Variants in ITGA9 observed in about 807,000 individuals in gnomAD.
ITGA9 encodes the protein integrin subunit alpha 9, also known as integrin alpha-9.
In ITGA9, 56 loss-of-function variants were observed where a neutral mutation model predicts 127.8. The observed-to-expected ratio is 0.44, with a 90% CI of 0.35 to 0.55. The LOEUF (loss-of-function observed/expected upper bound fraction) is 0.55. ITGA9 is among the 20% of genes least tolerant of loss of function. The probability of loss-of-function intolerance (pLI) is 0.00; values close to 1 mark genes in which losing one functional copy is unlikely to be tolerated. For missense variants in ITGA9, 1,196 were observed against 1,347.1 expected (o/e 0.89, Z 1.76); for synonymous variants, 508 against 514.5 (o/e 0.99, Z 0.17).
chr3:37,736,638 G>A (rs1390153682), intron 19 of ITGA9, among the ~76,000 whole-genome samples: 1 of 152,206 alleles, frequency 6.6e-6, no homozygotes, highest in Non-Finnish European at 1.5e-5. Context: ...AACTTAGAAA[G>A]TCCCGGTTAA....
intron 16 of ITGA9, among the ~76,000 whole-genome samples, chr3:37,646,077 CT>C (rs1324403173): frequency 6.6e-6 from 1 of 152,092 alleles, no homozygotes; most frequent in Non-Finnish European, 1.5e-5. Flanking sequence ...TCATTGAAAT[CT>C]TTTTTTTCCT....
chr3:37,618,398 A>C (rs886656885), intron 15 of ITGA9, among the ~76,000 whole-genome samples: 3 of 152,076 alleles, frequency 2.0e-5, no homozygotes, highest in African/African-American at 7.2e-5. Flanking sequence ...CAGTTAGGCT[A>C]CTCGGGGGCC....
intron 15 of ITGA9, among the ~76,000 whole-genome samples, chr3:37,598,387 A>G (rs563029036): frequency 7.2e-4 from 110 of 152,226 alleles, no homozygotes; most frequent in African/African-American, 2.6e-3. Flanking sequence ...GGGAGCTCTA[A>G]TTGTATTTTG....
chr3:37,794,043 C>T (rs1473100461), intron 26 of ITGA9, among the ~76,000 whole-genome samples: 2 of 152,156 alleles, frequency 1.3e-5, no homozygotes, highest in Non-Finnish European at 2.9e-5. Context: ...GTGCTGTGCT[C>T]AGTGTGCGTG....
In ITGA9 at chr3:37,685,045, C is replaced by T. The variant is rs1203292143; in HGVS notation, c.2067+1030C>T. ...ACTGCTGATAGCTGTTCAGCTGGGA[C>T]TGCTTGCAGCTTTTTAATATTTACA... On this transcript the variant is annotated intron_variant, in intron 18 of 27. Transcript: ENST00000264741. Among the ~76,000 whole-genome samples, 3 of 152,224 alleles carry T rather than the reference C, an allele frequency of 2.0e-5. No individual in the cohort carries two copies. The East Asian group carries it at 5.8e-4, about 29-fold the overall frequency.
chr3:37,548,535 CT>C (rs1299266328), intron 15 of ITGA9, among the ~76,000 whole-genome samples: 2 of 152,064 alleles, frequency 1.3e-5, no homozygotes, highest in Non-Finnish European at 2.9e-5. Context: ...CTTTCCTGTT[CT>C]TTTTCAGTAG....
At chr3:37,726,191 A>C (rs1328207199) in intron 18 of ITGA9, among the ~76,000 whole-genome samples, 1 of 152,250 alleles carries the variant, frequency 6.6e-6, no homozygotes, top group Non-Finnish European at 1.5e-5. Context: ...TAAATTAACT[A>C]AGTGAGTTAA....
intron 15 of ITGA9, among the ~76,000 whole-genome samples, chr3:37,612,637 T>A (rs1700034131): frequency 6.6e-6 from 1 of 152,236 alleles, no homozygotes; most frequent in Admixed American, 6.5e-5. Flanking sequence ...ATGCCCTGAA[T>A]TCTCTTCGAG....
chr3:37,466,991 C>G (rs1411023970), intron 1 of ITGA9, among the ~76,000 whole-genome samples: 1 of 152,140 alleles, frequency 6.6e-6, no homozygotes, highest in Non-Finnish European at 1.5e-5. Flanking sequence ...GAACTCTGGG[C>G]CATGGTAATC....
At chr3:37,595,086 GTTGTTTTTGTTT>G (rs796248237) in intron 15 of ITGA9, among the ~76,000 whole-genome samples, 2 of 151,930 alleles carry the variant, frequency 1.3e-5, no homozygotes, top group Admixed American at 6.6e-5. Context: ...TCCTTGTTTT[GTTGTTTTTGTTT>G]TTGTTTTTGT....
intron 8 of ITGA9, among the ~76,000 whole-genome samples, chr3:37,512,060 CTTTCT>C (rs1698922195): frequency 3.9e-5 from 2 of 51,626 alleles, no homozygotes; most frequent in African/African-American, 1.3e-4. Context: ...TTCTTTCTTT[CTTTCT>C]TTCTTTCTTT....
In ITGA9 at chr3:37,797,403, C is replaced by T. The variant is rs180855064; in HGVS notation, c.2890-6420C>T. Among the ~76,000 whole-genome samples the T allele has an allele frequency of 1.1e-3, 164 of 152,154 alleles. 1 individual carries two copies. The highest frequency in any genetic ancestry group is 3.8e-3 in the African/African-American group (158 of 41,522). On this transcript the variant is annotated intron_variant, in intron 26 of 27. Coordinates refer to ENST00000264741, the MANE Select transcript of ITGA9 (RefSeq NM_002207.3). ...CTGAGTAGTCTGGGTTCTAGCTGCCCACCTAAGAAGCTCCATTGTATACAC... is the reference window on the plus strand; with the variant it reads ...CTGAGTAGTCTGGGTTCTAGCTGCCTACCTAAGAAGCTCCATTGTATACAC...
intron 23 of ITGA9, among the ~76,000 whole-genome samples, chr3:37,756,248 A>T (rs1271995669): frequency 6.6e-6 from 1 of 152,158 alleles, no homozygotes; most frequent in African/African-American, 2.4e-5. Flanking sequence ...AAACCCACAA[A>T]CATTAAACAG....
intron 20 of ITGA9, among the ~76,000 whole-genome samples, chr3:37,738,914 CAGT>C (rs1696399157): frequency 1.3e-5 from 2 of 152,220 alleles, no homozygotes; most frequent in South Asian, 4.1e-4. Context: ...CACACAGCAG[CAGT>C]GCTCTGGTTT....
intron 16 of ITGA9, among the ~76,000 whole-genome samples, chr3:37,647,900 C>G (rs1700394388): frequency 6.6e-6 from 1 of 151,610 alleles, no homozygotes; most frequent in East Asian, 1.9e-4. Flanking sequence ...ATATACACAC[C>G]ACAATTTCTT....
At chr3:37,460,034 G>A (rs1394046152) in intron 1 of ITGA9, among the ~76,000 whole-genome samples, 1 of 152,144 alleles carries the variant, frequency 6.6e-6, no homozygotes, top group Admixed American at 6.5e-5. Flanking sequence ...AGACAGAAGT[G>A]TCCCAGGAAA....
chr3:37,608,112 G>C (rs903197483), intron 15 of ITGA9, among the ~76,000 whole-genome samples: 1 of 152,212 alleles, frequency 6.6e-6, no homozygotes, highest in African/African-American at 2.4e-5. Context: ...ACATAAACAG[G>C]CACTCTGGGT....
chr3:37,564,123 G>A (rs1699522566), intron 15 of ITGA9, among the ~76,000 whole-genome samples: 1 of 152,188 alleles, frequency 6.6e-6, no homozygotes, highest in Admixed American at 6.5e-5. Context: ...GCACTGTTTG[G>A]CATTTCCTAA....
In ITGA9 at chr3:37,822,031, C is replaced by T. The variant is rs1285377257; in HGVS notation, c.*3042C>T. ...CAAGCTCCTTCCCAGCTCAGAAGCC[C>T]TCTCTATGCTCTCAGGGGAAGCAGA... is the stretch of plus-strand genomic sequence containing the variant. On this transcript the variant is annotated 3_prime_UTR_variant, in exon 28 of 28. Transcript: ENST00000264741. The T allele has an allele frequency of 6.6e-5, 10 of 152,092 alleles. No individual in the cohort carries two copies. Among genetic ancestry groups the T allele is most frequent in the Admixed American group, 3.3e-4 (5 of 15,280 alleles). The allele number at this position is 152,092 out of a possible 1,614,324, so 9.4% of individuals were successfully genotyped here. A position where few individuals can be genotyped will look rare whatever the true frequency, so the allele number is the denominator to read the frequency against.
Sources: gnomAD v4.1 joint callset for allele counts (sites outside exome capture counted in the v4.1 genomes callset) on GRCh38, gnomAD v4.1.1 for gene constraint, MANE v1.5 for transcripts, NCBI Gene and HGNC (gene_info 2026-07-23, HGNC 2026-07-21) for gene names.